Variants in LHCGR observed in about 807,000 individuals in gnomAD.
The protein encoded by LHCGR is lutropin-choriogonadotropic hormone receptor.
Under a neutral mutation model 60.7 loss-of-function variants are expected in LHCGR, and 55 were observed. The observed-to-expected ratio is 0.91, with a 90% CI of 0.73 to 1.13. The LOEUF is 1.13. Among genes scored for constraint, LHCGR ranks in the 50% most tolerant of loss-of-function variants. The pLI is 0.00. For synonymous variants in LHCGR, 337 were observed against 316.5 expected (o/e 1.06, Z -0.69); for missense variants, 862 against 836.0 (o/e 1.03, Z -0.38).
At position 48,729,190 on chromosome 2, in the gene LHCGR, C is replaced by T. The variant is rs1460068431; in HGVS notation, c.271G>A (p.Ala91Thr). 1 of 1,611,960 alleles carries T rather than the reference C, an allele frequency of 6.2e-7. No individual in the cohort carries two copies. Among genetic ancestry groups the T allele is most frequent in the Non-Finnish European group, 8.5e-7 (1 of 1,178,928 alleles). The change falls in exon 3 of 11, where the codon GCT becomes ACT. Residue 91 changes from alanine to threonine, a missense_variant. Physicochemically the swap from Ala to Thr is moderately conservative, Grantham distance 58 (BLOSUM62 0). Transcript: ENST00000294954. The stretch of plus-strand genomic sequence containing the variant: ...TTGAGGAGGTTGTCAAAGGCATTAG[C>T]TTCTATCCTTTCCAGGGAATCAATC... ...SQIDSLERIE[A>T]NAFDNLLNLS...
chr2:48,733,597 C>G (rs1669096949), intron 1 of LHCGR, among the ~76,000 whole-genome samples: 1 of 152,072 alleles, frequency 6.6e-6, no homozygotes, highest in South Asian at 2.1e-4. Flanking sequence ...CAGCAGGTGA[C>G]TTTGTGGATA....
At chr2:48,737,483 T>C (rs1282087609) in intron 1 of LHCGR, among the ~76,000 whole-genome samples, 1 of 152,256 alleles carries the variant, frequency 6.6e-6, no homozygotes, top group Non-Finnish European at 1.5e-5. Context: ...TGTGTTCTTT[T>C]CAAAGCTGCT....
chr2:48,755,707 C>T lies in LHCGR; in HGVS notation c.-36G>A. The T allele has an allele frequency of 6.5e-7, 1 of 1,533,376 alleles. No individual in the cohort carries two copies. The highest frequency in any genetic ancestry group is 8.7e-7 in the Non-Finnish European group (1 of 1,146,262). 95.0% of individuals were successfully genotyped at this position (1,533,376 alleles called of 1,614,324 possible). On this transcript the variant is annotated 5_prime_UTR_variant, in exon 1 of 11. Coordinates refer to ENST00000294954, the MANE Select transcript of LHCGR (RefSeq NM_000233.4). ...CTGGGCTTCTGCGGCTTGCCAGTGT[C>T]TTGGACGGCCTCTGAGTGCGGCCCG...
chr2:48,719,379 A>T (rs912774653), intron 6 of LHCGR, among the ~76,000 whole-genome samples: 5 of 152,148 alleles, frequency 3.3e-5, no homozygotes, highest in African/African-American at 1.2e-4. Flanking sequence ...GTGGCTTGTC[A>T]TGGGTGCAGC....
chr2:48,747,739 C>T (rs1443782953), intron 1 of LHCGR, among the ~76,000 whole-genome samples: 1 of 151,394 alleles, frequency 6.6e-6, no homozygotes, highest in Non-Finnish European at 1.5e-5. Flanking sequence ...TCACAGCATA[C>T]TTCTACCTTC....
intron 1 of LHCGR, among the ~76,000 whole-genome samples, chr2:48,743,359 C>T (rs1339651604): frequency 6.6e-6 from 1 of 152,150 alleles, no homozygotes; most frequent in Non-Finnish European, 1.5e-5. Flanking sequence ...CAGCATCATC[C>T]TGATACCAAA....
At chr2:48,722,706 T>A (rs748458622) in intron 6 of LHCGR, among the ~76,000 whole-genome samples, 3 of 152,220 alleles carry the variant, frequency 2.0e-5, no homozygotes, top group African/African-American at 7.2e-5. Context: ...GCCAGAATCA[T>A]GCTTCCTGCA....
chr2:48,720,742 C>G (rs1048809621), intron 6 of LHCGR: 2 of 152,244 alleles, frequency 1.3e-5, no homozygotes, highest in African/African-American at 4.8e-5. Context: ...CGGTTAAGAA[C>G]ATGACTCTGG....
At chr2:48,743,393 G>A (rs974869073) in intron 1 of LHCGR, among the ~76,000 whole-genome samples, 38 of 152,168 alleles carry the variant, frequency 2.5e-4, no homozygotes, top group African/African-American at 8.9e-4. Context: ...ACAACCAAAA[G>A]AGAGAATTTT....
At chr2:48,698,591 C>A (rs375609114) in intron 9 of LHCGR, 24 bp downstream of exon 9, 4 of 1,600,856 alleles carry the variant, frequency 2.5e-6, no homozygotes, top group African/African-American at 1.3e-5. Flanking sequence ...CTTGGGTAGG[C>A]TTTACCTTTT....
intron 9 of LHCGR, 140 bp downstream of exon 9, chr2:48,698,475 T>G: frequency 1.4e-6 from 1 of 707,696 alleles, no homozygotes; most frequent in Non-Finnish European, 2.5e-6. Flanking sequence ...TTCTTGTCTA[T>G]TTGAAAGTGA....
chr2:48,752,989 G>T lies in LHCGR; in HGVS notation c.161+2522C>A, dbSNP rs1350957597. 2.1e-4 allele frequency among the ~76,000 whole-genome samples: 21 copies of T among 101,718 alleles called. 2 individuals carry two copies. The highest frequency in any genetic ancestry group is 6.0e-4 in the East Asian group (2 of 3,324). The allele number at this position is 101,718 out of a possible 152,430, so 66.7% of individuals were successfully genotyped here. On this transcript the variant is annotated intron_variant, in intron 1 of 10. Transcript: ENST00000294954. ...GTTATGCCGGATTTTGGCGGGGGGGGGGGGGGGTGGGGAAGGGAAGTGTAT... is the reference window on the plus strand; with the variant it reads ...GTTATGCCGGATTTTGGCGGGGGGGTGGGGGGGTGGGGAAGGGAAGTGTAT...
At chr2:48,736,481 A>G (rs1488858834) in intron 1 of LHCGR, among the ~76,000 whole-genome samples, 2 of 152,222 alleles carry the variant, frequency 1.3e-5, no homozygotes, top group Non-Finnish European at 2.9e-5. Flanking sequence ...ATTACCTTAA[A>G]GAAGATAACG....
intron 8 of LHCGR, among the ~76,000 whole-genome samples, chr2:48,702,527 C>T (rs1667463664): frequency 6.6e-6 from 1 of 152,052 alleles, no homozygotes; most frequent in Non-Finnish European, 1.5e-5. Flanking sequence ...GTTTTCTGTC[C>T]TTGTGATAGT....
chr2:48,754,130 T>A (rs1438139829), intron 1 of LHCGR, among the ~76,000 whole-genome samples: 1 of 151,944 alleles, frequency 6.6e-6, no homozygotes, highest in Non-Finnish European at 1.5e-5. Flanking sequence ...ATCAGCATGG[T>A]CCATTCCTTC....
intron 8 of LHCGR, among the ~76,000 whole-genome samples, chr2:48,704,576 T>A (rs1667571650): frequency 6.6e-6 from 1 of 152,224 alleles, no homozygotes; most frequent in Non-Finnish European, 1.5e-5. Context: ...GACCTGTTAT[T>A]GGTCTATTCA....
intron 1 of LHCGR, among the ~76,000 whole-genome samples, chr2:48,739,921 C>T (rs912303978): frequency 6.6e-6 from 1 of 152,226 alleles, no homozygotes; most frequent in African/African-American, 2.4e-5. Context: ...GCATTTCCAT[C>T]TGAGGTACCA....
chr2:48,754,726 A>T (rs1177376163), intron 1 of LHCGR, among the ~76,000 whole-genome samples: 1 of 152,124 alleles, frequency 6.6e-6, no homozygotes, highest in African/African-American at 2.4e-5. Flanking sequence ...GTATTATAAA[A>T]TATGTGGTAC....
At chr2:48,739,512 G>T (rs546322709) in intron 1 of LHCGR, among the ~76,000 whole-genome samples, 15 of 152,158 alleles carry the variant, frequency 9.9e-5, no homozygotes, top group African/African-American at 3.1e-4. Context: ...GTCCTTTGTA[G>T]GGACATGGAT....
Sources: gnomAD v4.1 joint callset for allele counts (sites outside exome capture counted in the v4.1 genomes callset) on GRCh38, gnomAD v4.1.1 for gene constraint, MANE v1.5 for transcripts, NCBI Gene and HGNC (gene_info 2026-07-23, HGNC 2026-07-21) for gene names.